SUCLG2: variants seen among roughly 807,000 people sequenced by gnomAD.
SUCLG2 encodes succinate-CoA ligase GDP-forming subunit beta, also known as succinate--CoA ligase [GDP-forming] subunit beta, mitochondrial.
A neutral mutation model predicts 47.9 loss-of-function variants in SUCLG2; 42 were observed. The observed-to-expected ratio is 0.88, with a 90% CI of 0.69 to 1.14. SUCLG2 has a LOEUF of 1.14. SUCLG2 is among the 50% of genes most tolerant of loss of function. SUCLG2 has a pLI of 0.00. For missense variants in SUCLG2, 571 were observed against 525.9 expected (o/e 1.09, Z -0.84); for synonymous variants, 195 against 197.3 (o/e 0.99, Z 0.10).
chr3:67,505,513 T>A (rs750925899), intron 7 of SUCLG2, among the ~76,000 whole-genome samples: 26 of 152,312 alleles, frequency 1.7e-4, no homozygotes, highest in Middle Eastern at 3.4e-3. Flanking sequence ...GTGTCAAAAA[T>A]TCCCTATGGG....
At chr3:67,403,006 G>T (rs748548108) in intron 9 of SUCLG2, among the ~76,000 whole-genome samples, 1 of 152,324 alleles carries the variant, frequency 6.6e-6, no homozygotes, top group South Asian at 2.1e-4. Flanking sequence ...AGTGCCTGGA[G>T]TAAGTGTCAA....
intron 10 of SUCLG2, among the ~76,000 whole-genome samples, chr3:67,398,231 G>A (rs1702595188): frequency 6.7e-6 from 1 of 150,356 alleles, no homozygotes; most frequent in Admixed American, 6.7e-5. Flanking sequence ...GAGTGAACAG[G>A]CAATCTACAA....
At chr3:67,603,636 G>A (rs185348362) in intron 2 of SUCLG2, among the ~76,000 whole-genome samples, 3 of 152,232 alleles carry the variant, frequency 2.0e-5, no homozygotes, top group Admixed American at 1.3e-4. Flanking sequence ...CTTTTGAAAC[G>A]CAATTTTCTT....
chr3:67,550,668 T>C (rs1706989228), intron 2 of SUCLG2, among the ~76,000 whole-genome samples: 1 of 152,188 alleles, frequency 6.6e-6, no homozygotes, highest in African/African-American at 2.4e-5. Context: ...TTACCAAGTT[T>C]ACCATCTGTC....
At position 67,654,516 on chromosome 3, in the gene SUCLG2, GC is replaced by G; in HGVS notation, c.70del (p.Ala24ArgfsTer9). The G allele has an allele frequency of 3.2e-6, 4 of 1,245,652 alleles. No individual in the cohort carries two copies. Among genetic ancestry groups the G allele is most frequent in the Middle Eastern group, 3.0e-4 (1 of 3,350 alleles). The allele number at this position is 1,245,652 out of a possible 1,614,324, so 77.2% of individuals were successfully genotyped here. A position where few individuals can be genotyped will look rare whatever the true frequency, so the allele number is the denominator to read the frequency against. On this transcript the variant is annotated frameshift_variant, in exon 1 of 11. Coordinates refer to ENST00000307227, the MANE Select transcript of SUCLG2 (RefSeq NM_003848.4). LOFTEE classifies it high-confidence loss of function. ...RALALRPRFL[A>X]AGSQAVQLTS... ...CCCCACGCTCACCTGGGACCCGGCC[GC>G]CAGGAAGCGGGGCCGCAGCGCTAGG...
chr3:67,578,844 G>A (rs1489317319), intron 2 of SUCLG2, among the ~76,000 whole-genome samples: 1 of 152,182 alleles, frequency 6.6e-6, no homozygotes, highest in African/African-American at 2.4e-5. Context: ...AGGGTCTGAT[G>A]GGACTGAACC....
At chr3:67,599,409 A>G (rs1486956455) in intron 2 of SUCLG2, among the ~76,000 whole-genome samples, 1 of 152,266 alleles carries the variant, frequency 6.6e-6, no homozygotes, top group Admixed American at 6.5e-5. Flanking sequence ...TGTATGCCAC[A>G]GTGAGTTAAA....
chr3:67,532,056 A>G (rs905445642), intron 2 of SUCLG2, among the ~76,000 whole-genome samples: 3 of 152,252 alleles, frequency 2.0e-5, no homozygotes, highest in Non-Finnish European at 4.4e-5. Context: ...TTTTGTCTGA[A>G]TAAGACGACT....
chr3:67,491,451 G>A (rs1297736849), intron 9 of SUCLG2, among the ~76,000 whole-genome samples: 1 of 140,876 alleles, frequency 7.1e-6, no homozygotes, highest in African/African-American at 2.7e-5. Flanking sequence ...TGCAACCTCC[G>A]CCTCCTGCGT....
chr3:67,458,421 T>C (rs1163576905), intron 9 of SUCLG2, among the ~76,000 whole-genome samples: 1 of 152,176 alleles, frequency 6.6e-6, no homozygotes, highest in Non-Finnish European at 1.5e-5. Context: ...GGGTAGGGCT[T>C]TACTGCATGA....
intron 2 of SUCLG2, among the ~76,000 whole-genome samples, chr3:67,562,057 G>C (rs1416313509): frequency 2.0e-5 from 3 of 152,064 alleles, no homozygotes; most frequent in African/African-American, 7.2e-5. Flanking sequence ...CATTTTTGAT[G>C]GGGGAAATGG....
intron 1 of SUCLG2, among the ~76,000 whole-genome samples, chr3:67,622,545 T>C (rs754844404): frequency 7.9e-5 from 12 of 152,216 alleles, no homozygotes; most frequent in Non-Finnish European, 1.6e-4. Flanking sequence ...GACCCACAGA[T>C]GACTGTGATA....
At chr3:67,527,395 G>C (rs74708836) in intron 4 of SUCLG2, among the ~76,000 whole-genome samples, 8,341 of 152,298 alleles carry the variant, frequency 0.055, 320 homozygotes, top group East Asian at 0.17. Flanking sequence ...TAGCTGTCTT[G>C]AAATTTTAAC....
intron 9 of SUCLG2, among the ~76,000 whole-genome samples, chr3:67,454,684 C>T (rs966117222): frequency 3.9e-5 from 6 of 152,072 alleles, no homozygotes; most frequent in Admixed American, 2.6e-4. Flanking sequence ...GAAAATGGGC[C>T]GGGCGTGGTG....
intron 6 of SUCLG2, among the ~76,000 whole-genome samples, chr3:67,517,693 A>G (rs933714656): frequency 1.3e-5 from 2 of 152,248 alleles, no homozygotes; most frequent in Admixed American, 1.3e-4. Flanking sequence ...GCTGTTCTCA[A>G]TAAAATATCA....
intron 1 of SUCLG2, among the ~76,000 whole-genome samples, chr3:67,617,628 A>G (rs910645489): frequency 3.3e-5 from 5 of 152,198 alleles, no homozygotes; most frequent in Non-Finnish European, 7.3e-5. Context: ...CCAATTAATT[A>G]GCCCCCTGTG....
chr3:67,630,731 C>T (rs1700910773), intron 1 of SUCLG2, among the ~76,000 whole-genome samples: 1 of 152,198 alleles, frequency 6.6e-6, no homozygotes, highest in Non-Finnish European at 1.5e-5. Context: ...TGACCTCAGC[C>T]TCACAATCCT....
At chr3:67,596,604 G>A (rs1708298926) in intron 2 of SUCLG2, among the ~76,000 whole-genome samples, 1 of 152,080 alleles carries the variant, frequency 6.6e-6, no homozygotes, top group Non-Finnish European at 1.5e-5. Context: ...TTACACATCT[G>A]TCTCTCTACC....
intron 9 of SUCLG2, among the ~76,000 whole-genome samples, chr3:67,444,013 G>A (rs1404025828): frequency 3.3e-5 from 4 of 122,230 alleles, no homozygotes; most frequent in African/African-American, 1.1e-4. Flanking sequence ...AGGGAGGTGG[G>A]GGGGTCAGCC....
Sources: gnomAD v4.1 joint callset for allele counts (sites outside exome capture counted in the v4.1 genomes callset) on GRCh38, gnomAD v4.1.1 for gene constraint, MANE v1.5 for transcripts, NCBI Gene and HGNC (gene_info 2026-07-23, HGNC 2026-07-21) for gene names.